DLG4: variants seen among roughly 807,000 people sequenced by gnomAD.
DLG4 encodes the protein discs large MAGUK scaffold protein 4, also known as disks large homolog 4.
In DLG4, 7 loss-of-function variants were observed where a neutral mutation model predicts 93.8. That is an observed-to-expected ratio of 0.07 (90% CI 0.04 to 0.14). DLG4 has a LOEUF of 0.14. DLG4 is among the 10% of genes least tolerant of loss of function. The probability of loss-of-function intolerance (pLI) is 1.00; values close to 1 mark genes in which losing one functional copy is unlikely to be tolerated. For missense variants in DLG4, 545 were observed against 992.9 expected, an observed-to-expected ratio of 0.55 and a Z score of 6.06; for synonymous variants, 341 against 387.6, an observed-to-expected ratio of 0.88 and a Z score of 1.41.
intron 1 of DLG4, among the ~76,000 whole-genome samples, chr17:7,213,209 T>C (rs2070779412): frequency 6.7e-6 from 1 of 148,606 alleles, no homozygotes; most frequent in Non-Finnish European, 1.5e-5. Context: ...GTGATTCTCC[T>C]ACCTCAACCT....
chr17:7,192,141 C>A, intron 17 of DLG4, 139 bp from the exon 18 acceptor site: 1 of 478,962 alleles, frequency 2.1e-6, no homozygotes, highest in Non-Finnish European at 3.7e-6. Context: ...TCAAGAAACA[C>A]GGGGGCAGAG....
rs2070577137 is a variant in DLG4, at chr17:7,208,370, CCTCCCT to C, written c.31-137_31-132del. On this transcript the variant is annotated intron_variant, in intron 1 of 19. Transcript: ENST00000399506. The surrounding 1 kb of genome is among the most constrained non-coding windows in gnomAD (Gnocchi z 5.4). ...CCCTGGGGCCTGACCAGCTCCTCCC[CCTCCCT>C]CTCCTCTAGCCCATTGGCTCCCCTC... 1.4e-6 allele frequency: 1 copy of C among 727,150 alleles called. No homozygotes were observed. The highest frequency in any genetic ancestry group is 1.8e-5 in the African/African-American group (1 of 54,668). 45.0% of individuals were successfully genotyped at this position (727,150 alleles called of 1,614,324 possible).
chr17:7,217,506 AGG>A lies in DLG4; in HGVS notation c.-361_-360del. 1 of 76,844 alleles carries A rather than the reference AGG, an allele frequency of 1.3e-5. No homozygotes were observed. The highest frequency in any genetic ancestry group is 1.1e-4 in the African/African-American group (1 of 8,844). The allele number at this position is 76,844 out of a possible 1,614,324, so 4.8% of individuals were successfully genotyped here. A position where few individuals can be genotyped will look rare whatever the true frequency, so the allele number is the denominator to read the frequency against. Reference sequence around the variant, plus strand: ...ACTGGATTTCGGGGAGCCCCGGGGTAGGGGGGGGTCTTGCCAAACGGCCAGGG... The same window carrying A: ...ACTGGATTTCGGGGAGCCCCGGGGTAGGGGGGTCTTGCCAAACGGCCAGGG... On this transcript the variant is annotated 5_prime_UTR_variant, in exon 1 of 20. Coordinates refer to ENST00000399506, the MANE Select transcript of DLG4 (RefSeq NM_001321075.3).
rs1354348269 is a variant in DLG4, at chr17:7,187,520, T to C, written c.*3188A>G. Among the ~76,000 whole-genome samples the C allele has an allele frequency of 6.6e-6, 1 of 151,184 alleles. No homozygotes were observed. Among genetic ancestry groups the C allele is most frequent in the Admixed American group, 6.6e-5 (1 of 15,160 alleles). On this transcript the variant is annotated 3_prime_UTR_variant, in exon 20 of 20. Coordinates refer to ENST00000399506, the MANE Select transcript of DLG4 (RefSeq NM_001321075.3). ...GAGATCGCACCACTGCACTCCAGCC[T>C]GGGCAACAAGAGCGAAACTCTGTCT...
chr17:7,203,633 C>A lies in DLG4; in HGVS notation c.336-40G>T. 6.2e-7 allele frequency: 1 copy of A among 1,609,204 alleles called. No homozygotes were observed. The highest frequency in any genetic ancestry group is 8.5e-7 in the Non-Finnish European group (1 of 1,176,008). On this transcript the variant is annotated intron_variant, in intron 5 of 19. Coordinates refer to ENST00000399506, the MANE Select transcript of DLG4 (RefSeq NM_001321075.3). The surrounding 1 kb of genome is among the most constrained non-coding windows in gnomAD (Gnocchi z 7.2). ...GTGGGCCTGAGCCAAGAGCTTCCTG[C>A]TGCCCTGGCCCTCCCTCTCCAGGGA...
At chr17:7,215,671 G>T (rs1246706793) in intron 1 of DLG4, among the ~76,000 whole-genome samples, 1 of 152,148 alleles carries the variant, frequency 6.6e-6, no homozygotes, top group Non-Finnish European at 1.5e-5. Context: ...GGTGGAGAGA[G>T]GGTGGGGGCT....
intron 2 of DLG4, among the ~76,000 whole-genome samples, chr17:7,206,019 C>A (rs1363830451): frequency 6.6e-6 from 1 of 151,912 alleles, no homozygotes; most frequent in Non-Finnish European, 1.5e-5. Context: ...AGCCTCCATT[C>A]TCCATCCGCT....
chr17:7,191,763 G>A lies in DLG4; in HGVS notation c.1976+130C>T, dbSNP rs2069511184. On this transcript the variant is annotated intron_variant, in intron 18 of 19. Coordinates refer to ENST00000399506, the MANE Select transcript of DLG4 (RefSeq NM_001321075.3). The surrounding 1 kb of genome is among the most constrained non-coding windows in gnomAD (Gnocchi z 6.6). ...TTCCCCCACATCCTCTGGGTTCCAG[G>A]GATCCCCCTCAGGGGCTGCTGAAAC... The A allele has an allele frequency of 1.5e-6, 1 of 653,488 alleles. No individual in the cohort carries two copies. The highest frequency in any genetic ancestry group is 1.8e-5 in the African/African-American group (1 of 55,782). The allele number at this position is 653,488 out of a possible 1,614,324, so 40.5% of individuals were successfully genotyped here.
chr17:7,197,000 G>A lies in DLG4; in HGVS notation c.840C>T (p.Thr280=), dbSNP rs546056233. The part of the protein sequence containing the change: ...NEISHSSYLG[T]DYPTAMTPTS... ...TGGGGGTCATGGCTGTGGGGTAGTC[G>A]GTGCCCAGGTAGCTGCTGTGACTGA... The change falls in exon 9 of 20, where the codon ACC becomes ACT. Residue 280 remains threonine (T), a synonymous_variant. Transcript: ENST00000399506. The surrounding 1 kb of genome is among the most constrained non-coding windows in gnomAD (Gnocchi z 8.3). 10 of 1,613,378 alleles carry A rather than the reference G, an allele frequency of 6.2e-6. No homozygotes were observed. Among genetic ancestry groups the A allele is most frequent in the South Asian group, 3.3e-5 (3 of 90,994 alleles).
Position 7,194,239 on chromosome 17 carries a change from C to T in DLG4, c.1478+80G>A. ...TAGGAGTTCAGAGGGCAAACCCATC[C>T]CCTGTTGGCTGCCCACCCCGGGGGA... On this transcript the variant is annotated intron_variant, in intron 12 of 19. Coordinates refer to ENST00000399506, the MANE Select transcript of DLG4 (RefSeq NM_001321075.3). This position sits in a 1 kb window ranked among gnomAD's most constrained non-coding sequence, Gnocchi z 4.4. 6.6e-7 allele frequency: 1 copy of T among 1,511,826 alleles called. No homozygotes were observed. Among genetic ancestry groups the T allele is most frequent in the Non-Finnish European group, 8.9e-7 (1 of 1,123,338 alleles). The allele number at this position is 1,511,826 out of a possible 1,614,324, so 93.7% of individuals were successfully genotyped here. A position where few individuals can be genotyped will look rare whatever the true frequency, so the allele number is the denominator to read the frequency against.
rs566601839 is a variant in DLG4 at position 7,198,114 on chromosome 17, C to T, written c.788-1062G>A. On this transcript the variant is annotated intron_variant, in intron 8 of 19. Coordinates refer to ENST00000399506, the MANE Select transcript of DLG4 (RefSeq NM_001321075.3). ...AAGTTTTAGCCACACTGACAATCAC[C>T]GCCTGGTTCTGATAAGTATCAAGGA... Among the ~76,000 whole-genome samples the T allele has an allele frequency of 2.6e-4, 40 of 152,214 alleles. No individual in the cohort carries two copies. In the South Asian group the frequency reaches 4.6e-3, roughly 17 times the overall value.
upstream of DLG4, chr17:7,219,520 T>G: frequency 9.3e-7 from 1 of 1,071,376 alleles, no homozygotes; most frequent in Non-Finnish European, 1.1e-6. Context: ...CTCCCTTTTG[T>G]GTTGGCCGAG....
At chr17:7,219,074 A>G, upstream of DLG4, 1 of 599,452 alleles carries the variant, frequency 1.7e-6, no homozygotes, top group Non-Finnish European at 2.9e-6. Context: ...CTGAGAAGCC[A>G]GCAAAGAGGG....
upstream of DLG4, chr17:7,219,121 C>G: frequency 5.6e-6 from 3 of 537,936 alleles, no homozygotes; most frequent in Non-Finnish European, 9.9e-6. Flanking sequence ...CAAAAAGAAG[C>G]TGAGCCCAGC....
rs775800667 is a variant in DLG4 at position 7,195,310 on chromosome 17, C to T, written c.1302-815G>A. Among the ~76,000 whole-genome samples the T allele has an allele frequency of 5.9e-5, 9 of 152,102 alleles. No homozygotes were observed. Among genetic ancestry groups the T allele is most frequent in the Non-Finnish European group, 8.8e-5 (6 of 68,024 alleles). On this transcript the variant is annotated intron_variant, in intron 11 of 19. Transcript: ENST00000399506. The surrounding 1 kb of genome is among the most constrained non-coding windows in gnomAD (Gnocchi z 4.3). ...GAAGTGTGACAACCAGATGACATTC[C>T]GCCTGGGAGCCACTACACAACCTCT...
At chr17:7,190,881 G>A in intron 19 of DLG4, 67 bp from the exon 20 acceptor site, 3 of 1,349,492 alleles carry the variant, frequency 2.2e-6, no homozygotes, top group Non-Finnish European at 3.2e-6. Context: ...CAAGGGGGTT[G>A]CACCAGCCCA....
rs1597431435 is a variant in DLG4, at chr17:7,189,458, C to T, written c.*1250G>A. Among the ~76,000 whole-genome samples, 1 of 151,734 alleles carries T rather than the reference C, an allele frequency of 6.6e-6. No homozygotes were observed. Among genetic ancestry groups the T allele is most frequent in the East Asian group, 1.9e-4 (1 of 5,178 alleles). On this transcript the variant is annotated 3_prime_UTR_variant, in exon 20 of 20. Coordinates refer to ENST00000399506, the MANE Select transcript of DLG4 (RefSeq NM_001321075.3). ...GAGCCGAGATCGAGCCACTGCACTC[C>T]AGCCTGTGCGACAGAGCAAGACTCT... is the stretch of plus-strand genomic sequence containing the variant.
chr17:7,213,312 C>G (rs2142924261), intron 1 of DLG4, among the ~76,000 whole-genome samples: 1 of 152,122 alleles, frequency 6.6e-6, no homozygotes, highest in South Asian at 2.1e-4. Context: ...GTTGGCCAGG[C>G]TGGTCTCGAA....
intron 8 of DLG4, among the ~76,000 whole-genome samples, chr17:7,198,941 A>G (rs552344958): frequency 1.3e-5 from 2 of 151,410 alleles, no homozygotes; most frequent in South Asian, 4.2e-4. Flanking sequence ...GCTTGAGCCC[A>G]GGAGGCGGAA....
Sources: gnomAD v4.1 joint callset for allele counts (sites outside exome capture counted in the v4.1 genomes callset) on GRCh38, gnomAD v4.1.1 for gene constraint, Gnocchi (gnomAD v3.1) non-coding constraint, MANE v1.5 for transcripts, NCBI Gene and HGNC (gene_info 2026-07-23, HGNC 2026-07-21) for gene names.